The following RBM44 variants were observed in gnomAD, a reference collection of about 807,000 sequenced individuals.
RBM44 encodes the protein RNA-binding protein 44.
A neutral mutation model predicts 105.1 loss-of-function variants in RBM44; 66 were observed. The ratio of observed to expected loss-of-function variants is 0.63; its 90% CI spans 0.52 to 0.77. RBM44 has a LOEUF of 0.77. RBM44 is among the 30% of genes least tolerant of loss of function. The pLI is 0.00. For missense variants in RBM44, 1,122 were observed against 1,207.8 expected (o/e 0.93, Z 1.05); for synonymous variants, 365 against 417.6 (o/e 0.87, Z 1.54).
At chr2:237,819,043 T>G in intron 4 of RBM44, 84 bp downstream of exon 4, 1 of 587,548 alleles carries the variant, frequency 1.7e-6, no homozygotes. Flanking sequence ...TACTTACCCA[T>G]ATAGAATAAT....
At chr2:237,814,063 G>T (rs2061686733) in intron 2 of RBM44, among the ~76,000 whole-genome samples, 1 of 152,066 alleles carries the variant, frequency 6.6e-6, no homozygotes, top group Admixed American at 6.6e-5. Flanking sequence ...GGTCATGGCA[G>T]CAAGAAAATA....
At chr2:237,815,429 C>T (rs1235734604) in intron 2 of RBM44, among the ~76,000 whole-genome samples, 1 of 152,068 alleles carries the variant, frequency 6.6e-6, no homozygotes, top group Non-Finnish European at 1.5e-5. Context: ...TTCACACAGT[C>T]CCTATCTCTT....
At chr2:237,829,845 G>A (rs919974) in intron 13 of RBM44, among the ~76,000 whole-genome samples, 30,689 of 151,848 alleles carry the variant, frequency 0.2, 3,654 homozygotes, top group East Asian at 0.41. Flanking sequence ...TGTTAAAACC[G>A]TAAAATGTAG....
At position 237,818,702 on chromosome 2, in the gene RBM44, C is replaced by G; in HGVS notation, c.1677+106C>G. 1.3e-6 allele frequency: 1 copy of G among 764,776 alleles called. No homozygotes were observed. Among genetic ancestry groups the G allele is most frequent in the Non-Finnish European group, 2.0e-6 (1 of 493,990 alleles). 47.4% of individuals were successfully genotyped at this position (764,776 alleles called of 1,614,324 possible). ...GAATTAAGGCTTTTGTGAGAAGATG[C>G]TAGATGAGGGGAGTAAATTAAAAAG... On this transcript the variant is annotated intron_variant, in intron 3 of 15. Coordinates refer to ENST00000316997, the MANE Select transcript of RBM44 (RefSeq NM_001080504.3). The surrounding 1 kb of genome is among the most constrained non-coding windows in gnomAD (Gnocchi z 4.6).
intron 1 of RBM44, among the ~76,000 whole-genome samples, chr2:237,800,107 T>C (rs1336083682): frequency 6.6e-6 from 1 of 152,218 alleles, no homozygotes; most frequent in Non-Finnish European, 1.5e-5. Context: ...CGGCAATGGA[T>C]GAAGGTTCTG....
At chr2:237,822,616 T>G (rs1405143638) in intron 8 of RBM44, among the ~76,000 whole-genome samples, 1 of 152,114 alleles carries the variant, frequency 6.6e-6, no homozygotes, top group Non-Finnish European at 1.5e-5. Context: ...AAATTCTTTT[T>G]TAAAAAATCT....
chr2:237,799,283 C>G (rs113898543), intron 1 of RBM44: 3,488 of 152,430 alleles, frequency 0.023, 108 homozygotes, highest in African/African-American at 0.069. Context: ...CGTACTCAGG[C>G]GTGTGTGCCC....
At chr2:237,829,063 A>T (rs763677539) in intron 12 of RBM44, among the ~76,000 whole-genome samples, 154 bp from the exon 13 acceptor site, 3 of 152,208 alleles carry the variant, frequency 2.0e-5, no homozygotes, top group African/African-American at 4.8e-5. Flanking sequence ...CTAAATAAAT[A>T]TTCTTCTTAA....
chr2:237,817,327 A>T lies in RBM44; in HGVS notation c.408A>T (p.Glu136Asp), dbSNP rs1230218169. The change falls in exon 3 of 16, where the codon GAA (glutamate) becomes GAT (aspartate). Residue 136 changes from glutamate (E) to aspartate (D), a missense_variant. Around this residue, in one of 3 missense-constraint regions of RBM44, gnomAD observed 918 missense variants for 955.3 expected, o/e 0.96. Transcript: ENST00000316997. ...LTPLSSELDP[E>D]VQKKEEVFFN... The stretch of plus-strand genomic sequence containing the variant: ...CTTTAAGTTCAGAATTAGATCCTGA[A>T]GTGCAGAAAAAAGAGGAGGTTTTTT... 6.2e-7 allele frequency: 1 copy of T among 1,604,326 alleles called. No individual in the cohort carries two copies. Among genetic ancestry groups the T allele is most frequent in the Non-Finnish European group, 8.5e-7 (1 of 1,175,890 alleles).
rs759436716 is a variant in RBM44 at position 237,821,389 on chromosome 2, AT to A, written c.2120+24del. 21 of 1,528,732 alleles carry A rather than the reference AT, an allele frequency of 1.4e-5. No individual in the cohort carries two copies. In the South Asian group the frequency reaches 2.6e-4, roughly 19 times the overall value. The allele number at this position is 1,528,732 out of a possible 1,614,324, so 94.7% of individuals were successfully genotyped here. On this transcript the variant is annotated intron_variant, in intron 7 of 15. Transcript: ENST00000316997. ...CATGTGTGAGTTATGGTTTCATTTG[AT>A]TTATAATTCATTAGATCCTAAAAAT...
At chr2:237,809,798 G>A (rs1399530980) in intron 1 of RBM44, among the ~76,000 whole-genome samples, 1 of 152,168 alleles carries the variant, frequency 6.6e-6, no homozygotes, top group African/African-American at 2.4e-5. Flanking sequence ...CACATACAGT[G>A]GCTCATGCCT....
intron 5 of RBM44, 144 bp downstream of exon 5, chr2:237,820,495 A>G (rs1023534279): frequency 7.0e-5 from 36 of 515,164 alleles, no homozygotes; most frequent in Non-Finnish European, 1.1e-4. Flanking sequence ...CCTAAGGGTA[A>G]TAGAACCCTT....
At chr2:237,819,034 A>G (rs2061754448) in intron 4 of RBM44, 75 bp downstream of exon 4, 1 of 684,686 alleles carries the variant, frequency 1.5e-6, no homozygotes. Flanking sequence ...TGTATAGCAT[A>G]CTTACCCATA....
At chr2:237,838,637 T>TG (rs2061981852) in intron 15 of RBM44, among the ~76,000 whole-genome samples, 2 of 152,204 alleles carry the variant, frequency 1.3e-5, no homozygotes, top group African/African-American at 2.4e-5. Flanking sequence ...TGTTCTGTGT[T>TG]GGGGGTACTC....
intron 1 of RBM44, among the ~76,000 whole-genome samples, chr2:237,801,863 C>T (rs879381769): frequency 1.3e-4 from 20 of 152,076 alleles, no homozygotes; most frequent in Admixed American, 1.2e-3. Flanking sequence ...ACTTAACTGT[C>T]TTATTTAACC....
chr2:237,826,163 T>C (rs909957642), intron 10 of RBM44, among the ~76,000 whole-genome samples: 1 of 152,074 alleles, frequency 6.6e-6, no homozygotes, highest in Non-Finnish European at 1.5e-5. Context: ...TTTATTATTA[T>C]TTAATGAAAA....
Position 237,818,708 on chromosome 2 carries a change from G to A in RBM44, c.1677+112G>A, listed in dbSNP as rs557501975. On this transcript the variant is annotated intron_variant, in intron 3 of 15. Transcript: ENST00000316997. The surrounding 1 kb of genome is among the most constrained non-coding windows in gnomAD (Gnocchi z 4.6). The stretch of plus-strand genomic sequence containing the variant: ...AGGCTTTTGTGAGAAGATGCTAGAT[G>A]AGGGGAGTAAATTAAAAAGGGAGTA... 1.4e-4 allele frequency: 105 copies of A among 742,302 alleles called. No individual in the cohort carries two copies. Among genetic ancestry groups the A allele is most frequent in the Middle Eastern group, 7.9e-4 (2 of 2,534 alleles). 46.0% of individuals were successfully genotyped at this position (742,302 alleles called of 1,614,324 possible).
chr2:237,830,444 T>A (rs1054730849), intron 13 of RBM44, among the ~76,000 whole-genome samples: 4 of 152,130 alleles, frequency 2.6e-5, no homozygotes, highest in Non-Finnish European at 4.4e-5. Context: ...AACAGGGATT[T>A]TTTTTAGTAT....
At chr2:237,815,066 C>T in intron 2 of RBM44, among the ~76,000 whole-genome samples, 1 of 152,062 alleles carries the variant, frequency 6.6e-6, no homozygotes, top group East Asian at 1.9e-4. Context: ...TAAAGCCAGG[C>T]AAGCTACTTG....
Sources: allele counts gnomAD v4.1 joint callset (sites outside exome capture counted in the v4.1 genomes callset), GRCh38; gene constraint gnomAD v4.1.1; regional missense constraint gnomAD v4.1.1; non-coding constraint Gnocchi (gnomAD v3.1); transcripts MANE v1.5; gene names NCBI Gene and HGNC (gene_info 2026-07-23, HGNC 2026-07-21).